CAPZA1: variants seen among roughly 807,000 people sequenced by gnomAD.
CAPZA1 encodes capping actin protein of muscle Z-line subunit alpha 1, also known as F-actin-capping protein subunit alpha-1.
A neutral mutation model predicts 40.8 loss-of-function variants in CAPZA1; 10 were observed. The observed-to-expected ratio is 0.25, with a 90% CI of 0.15 to 0.42. The LOEUF (loss-of-function observed/expected upper bound fraction) is 0.42, where lower values mean the gene tolerates loss of function less well. Ranked by LOEUF, CAPZA1 falls within the 10% of genes least tolerant of loss-of-function variation. CAPZA1 has a pLI of 1.00. For synonymous variants in CAPZA1, 98 were observed against 115.0 expected (o/e 0.85, Z 0.95); for missense variants, 277 against 353.8 (o/e 0.78, Z 1.74).
intron 1 of CAPZA1, among the ~76,000 whole-genome samples, chr1:112,642,748 A>G (rs547397950): frequency 1.3e-5 from 2 of 152,224 alleles, no homozygotes; most frequent in Admixed American, 1.3e-4. Context: ...CTATCGAAAC[A>G]AACTGCTGTT....
At chr1:112,620,083 A>C in intron 1 of CAPZA1, 200 bp downstream of exon 1, 3 of 517,542 alleles carry the variant, frequency 5.8e-6, no homozygotes, top group Non-Finnish European at 3.5e-6. Flanking sequence ...TCGTTCCTCG[A>C]CTCTCCTTTT....
In CAPZA1 at chr1:112,635,380, A is replaced by G. The variant is rs1450542832; in HGVS notation, c.40-11830A>G. Among the ~76,000 whole-genome samples the G allele has an allele frequency of 2.0e-5, 3 of 152,182 alleles. No individual in the cohort carries two copies. In the East Asian group the frequency reaches 5.8e-4, roughly 29 times the overall value. On this transcript the variant is annotated intron_variant, in intron 1 of 9. Transcript: ENST00000263168. ...CTGGCAGAGATTTGGCTCCTAAAGT[A>G]TACAAAACTGGGGTGGTATAAACTG...
At chr1:112,649,097 T>C (rs759401166) in intron 2 of CAPZA1, among the ~76,000 whole-genome samples, 1 of 152,252 alleles carries the variant, frequency 6.6e-6, no homozygotes, top group Non-Finnish European at 1.5e-5. Context: ...GATATGATGT[T>C]GTAGAAACGC....
chr1:112,650,596 A>T (rs901418988), intron 3 of CAPZA1, among the ~76,000 whole-genome samples: 1 of 152,220 alleles, frequency 6.6e-6, no homozygotes, highest in Non-Finnish European at 1.5e-5. Context: ...TCTAATCTGA[A>T]TGCTTCTAAT....
chr1:112,658,591 T>C (rs1671541634), intron 5 of CAPZA1, among the ~76,000 whole-genome samples: 1 of 152,234 alleles, frequency 6.6e-6, no homozygotes, highest in South Asian at 2.1e-4. Context: ...TTAAACTTCT[T>C]ACTTTACATC....
Position 112,670,365 on chromosome 1 carries a change from T to A in CAPZA1, c.*233T>A. On this transcript the variant is annotated 3_prime_UTR_variant, in exon 10 of 10. Transcript: ENST00000263168. ...ATCTACGTGTAAATCTTTTTTTCTT[T>A]TTTTTTTTTTTTTTTTGGTTAATTC... The A allele has an allele frequency of 2.8e-6, 1 of 356,486 alleles. No homozygotes were observed. The highest frequency in any genetic ancestry group is 5.1e-6 in the Non-Finnish European group (1 of 196,400). The allele number at this position is 356,486 out of a possible 1,614,324, so 22.1% of individuals were successfully genotyped here. A position where few individuals can be genotyped will look rare whatever the true frequency, so the allele number is the denominator to read the frequency against.
chr1:112,649,337 A>G lies in CAPZA1; in HGVS notation c.104-81A>G, dbSNP rs1183023884. ...GAAGACTAATTTTACAAAGCCTGACATTTAAAAATTCAATCTAGAAATCTG... is the reference window on the plus strand; with the variant it reads ...GAAGACTAATTTTACAAAGCCTGACGTTTAAAAATTCAATCTAGAAATCTG... On this transcript the variant is annotated intron_variant, in intron 2 of 9. Transcript: ENST00000263168. 4 of 1,007,270 alleles carry G rather than the reference A, an allele frequency of 4.0e-6. No homozygotes were observed. In the East Asian group the frequency reaches 7.2e-5, roughly 18 times the overall value. 62.4% of individuals were successfully genotyped at this position (1,007,270 alleles called of 1,614,324 possible).
chr1:112,655,536 TTTG>T (rs1671481352), intron 5 of CAPZA1, among the ~76,000 whole-genome samples: 1 of 151,966 alleles, frequency 6.6e-6, no homozygotes, highest in Admixed American at 6.6e-5. Context: ...TGATTTTCTT[TTTG>T]TTGTTGTTTT....
At chr1:112,652,102 CAG>C (rs1193680312) in intron 3 of CAPZA1, among the ~76,000 whole-genome samples, 3 of 151,912 alleles carry the variant, frequency 2.0e-5, no homozygotes, top group African/African-American at 7.3e-5. Flanking sequence ...GCCTGGGCAA[CAG>C]AGTGAGACTG....
chr1:112,656,440 A>ATTTTTTTTTTTTTT lies in CAPZA1; in HGVS notation c.426+1782_426+1795dup, dbSNP rs56343358. Among the ~76,000 whole-genome samples the ATTTTTTTTTTTTTT allele has an allele frequency of 1.7e-4, 8 of 45,766 alleles. 3 individuals carry two copies. Among genetic ancestry groups the ATTTTTTTTTTTTTT allele is most frequent in the African/African-American group, 2.6e-4 (3 of 11,480 alleles). The allele number at this position is 45,766 out of a possible 152,430, so 30.0% of individuals were successfully genotyped here. A position where few individuals can be genotyped will look rare whatever the true frequency, so the allele number is the denominator to read the frequency against. On this transcript the variant is annotated intron_variant, in intron 5 of 9. Transcript: ENST00000263168. ...GTTAGGCTAGGTGTCATTATGTTTG[A>ATTTTTTTTTTTTTT]TTTTTTTTTTTTTTTTTTTTTTTTT...
chr1:112,654,888 CAG>C (rs1280296765), intron 5 of CAPZA1, among the ~76,000 whole-genome samples: 1 of 152,142 alleles, frequency 6.6e-6, no homozygotes, highest in African/African-American at 2.4e-5. Context: ...ATTTAGGTAT[CAG>C]TGTATTCTGT....
At chr1:112,621,074 T>C (rs1300574607) in intron 1 of CAPZA1, among the ~76,000 whole-genome samples, 2 of 152,220 alleles carry the variant, frequency 1.3e-5, no homozygotes, top group South Asian at 4.1e-4. Context: ...TATGTAGATA[T>C]GGCATGCCAT....
intron 1 of CAPZA1, among the ~76,000 whole-genome samples, chr1:112,643,783 G>A (rs910240187): frequency 6.6e-6 from 1 of 152,152 alleles, no homozygotes; most frequent in Non-Finnish European, 1.5e-5. Context: ...CAGAATAAGA[G>A]TGAACTTACA....
At chr1:112,645,334 C>A (rs185783673) in intron 1 of CAPZA1, among the ~76,000 whole-genome samples, 14 of 152,228 alleles carry the variant, frequency 9.2e-5, no homozygotes, top group African/African-American at 3.4e-4. Flanking sequence ...ACTTTAAAAT[C>A]GGTAGTTATA....
chr1:112,662,395 C>CTTTTTTTTTTTTTTTTTTTTTT, intron 7 of CAPZA1, among the ~76,000 whole-genome samples: 1 of 97,260 alleles, frequency 1.0e-5, no homozygotes, highest in Non-Finnish European at 1.9e-5. Flanking sequence ...TAGAATTTTT[C>CTTTTTTTTTTTTTTTTTTTTTT]TTTTTTTTTT....
intron 8 of CAPZA1, among the ~76,000 whole-genome samples, chr1:112,668,833 G>C (rs1031441402): frequency 1.3e-5 from 2 of 152,154 alleles, no homozygotes; most frequent in Non-Finnish European, 2.9e-5. Context: ...ACATCATGTA[G>C]TTTCTAGGAA....
intron 1 of CAPZA1, among the ~76,000 whole-genome samples, chr1:112,623,068 G>A (rs1223511602): frequency 6.6e-6 from 1 of 151,964 alleles, no homozygotes; most frequent in African/African-American, 2.4e-5. Context: ...TGTATTTTTA[G>A]TAGAGACAGG....
At chr1:112,653,571 T>C in intron 3 of CAPZA1, 27 bp from the exon 4 acceptor site, 3 of 1,434,138 alleles carry the variant, frequency 2.1e-6, no homozygotes, top group East Asian at 2.4e-5. Context: ...TTTTTTTTTT[T>C]TTTAAAAAAC....
At chr1:112,658,003 C>T (rs775383798) in intron 5 of CAPZA1, among the ~76,000 whole-genome samples, 48 of 152,288 alleles carry the variant, frequency 3.2e-4, no homozygotes, top group Middle Eastern at 3.4e-3. Flanking sequence ...ACACAGACTT[C>T]GGTGTCACAA....
Sources: allele counts gnomAD v4.1 joint callset (sites outside exome capture counted in the v4.1 genomes callset), GRCh38; gene constraint gnomAD v4.1.1; transcripts MANE v1.5; gene names NCBI Gene and HGNC (gene_info 2026-07-23, HGNC 2026-07-21).